The following TOP1MT variants were observed in gnomAD, a reference collection of about 807,000 sequenced individuals.
TOP1MT encodes the protein DNA topoisomerase I, mitochondrial.
In TOP1MT, 80 loss-of-function variants were observed where a neutral mutation model predicts 73.9. The ratio of observed to expected loss-of-function variants is 1.08; its 90% CI spans 0.90 to 1.30. The LOEUF (loss-of-function observed/expected upper bound fraction) is 1.30, where lower values mean the gene tolerates loss of function less well. Among genes scored for constraint, TOP1MT ranks in the 50% most tolerant of loss-of-function variants. The pLI is 0.00. For missense variants in TOP1MT, 815 were observed against 808.0 expected (o/e 1.01, Z -0.10); for synonymous variants, 338 against 326.4 (o/e 1.04, Z -0.38).
At chr8:143,318,776 C>G (rs1166202909) in intron 8 of TOP1MT, among the ~76,000 whole-genome samples, 1 of 152,192 alleles carries the variant, frequency 6.6e-6, no homozygotes. Flanking sequence ...AGCCTGGCAC[C>G]ATGGCTGATG....
chr8:143,332,346 A>C, intron 1 of TOP1MT: 1 of 540,750 alleles, frequency 1.8e-6, no homozygotes, highest in Non-Finnish European at 3.1e-6. Flanking sequence ...AGCACCCAGG[A>C]TGGCCAGTGC....
intron 1 of TOP1MT, chr8:143,343,744 A>G (rs993463007): frequency 6.4e-6 from 1 of 156,864 alleles, no homozygotes; most frequent in African/African-American, 2.4e-5. Flanking sequence ...AGAGAGGAAC[A>G]GACACTTCGC....
rs1212284988 is a variant in TOP1MT at position 143,316,067 on chromosome 8, T to G, written c.1390A>C (p.Ile464Leu). 1 of 1,613,856 alleles carries G rather than the reference T, an allele frequency of 6.2e-7. No homozygotes were observed. The highest frequency in any genetic ancestry group is 2.2e-5 in the East Asian group (1 of 44,844). ...SYNRANRVVA[I>L]LCNHQRATPS... ...GTTGCTCGCTGATGGTTGCAGAGAA[T>G]GGCCACGACTCGGTTGGCTCGGTTG... Residue 464 changes from isoleucine to leucine, a missense_variant, in exon 11 of 14, where the codon ATT becomes CTT. Ile to Leu is a conservative substitution (Grantham distance 5). This residue lies in a region of TOP1MT where 751 missense variants were observed against 725.4 expected (regional missense o/e 1.04). Transcript: ENST00000329245.
upstream of TOP1MT, among the ~76,000 whole-genome samples, chr8:143,347,236 G>A (rs1214711400): frequency 6.6e-6 from 1 of 152,086 alleles, no homozygotes; most frequent in Non-Finnish European, 1.5e-5. Context: ...CTCACTGCAA[G>A]TTCTGCCTCC....
intron 2 of TOP1MT, among the ~76,000 whole-genome samples, chr8:143,342,776 CTATTATTATTATTAT>C (rs748359888): frequency 1.3e-5 from 1 of 78,732 alleles, no homozygotes; most frequent in East Asian, 4.0e-4. Context: ...GAGTCTTGCT[CTATTATTATTATTAT>C]TATTATTATT....
At chr8:143,329,741 C>T (rs945248905) in intron 2 of TOP1MT, among the ~76,000 whole-genome samples, 6 of 152,156 alleles carry the variant, frequency 3.9e-5, no homozygotes, top group Non-Finnish European at 5.9e-5. Context: ...TACCACTTAA[C>T]GTTGCTACTA....
rs1479866061 is a variant in TOP1MT, at chr8:143,310,175, C to T, written c.1596G>A (p.Glu532=). Residue 532 remains glutamate (E), a synonymous_variant, in exon 13 of 14, where the codon GAG becomes GAA. Transcript: ENST00000329245. Reference sequence around the variant, plus strand: ...CCTGCACACTCAGCTGCGCCAGCTGCTCCTGCAGCTTCTCCAGGAGCCGCC... The same window carrying T: ...CCTGCACACTCAGCTGCGCCAGCTGTTCCTGCAGCTTCTCCAGGAGCCGCC... ...KKRRLLEKLQ[E]QLAQLSVQAT... is the part of the protein sequence containing the mutation. The T allele has an allele frequency of 5.0e-6, 8 of 1,603,608 alleles. No homozygotes were observed. The South Asian group carries it at 7.8e-5, about 16-fold the overall frequency.
chr8:143,345,011 C>T (rs28722081), upstream of TOP1MT: 1,617 of 152,272 alleles, frequency 0.011, 20 homozygotes, highest in Non-Finnish European at 0.018. Context: ...AGGAAGGAAA[C>T]GTTAAAGTTT....
chr8:143,332,941 C>T (rs1024740419), intron 1 of TOP1MT, among the ~76,000 whole-genome samples: 1 of 152,190 alleles, frequency 6.6e-6, no homozygotes, highest in Admixed American at 6.5e-5. Context: ...AGCTTTTCCA[C>T]GTCAGGTGAG....
At chr8:143,345,432 C>A (rs1817204345), upstream of TOP1MT, among the ~76,000 whole-genome samples, 1 of 152,228 alleles carries the variant, frequency 6.6e-6, no homozygotes, top group Non-Finnish European at 1.5e-5. Context: ...CCGGAGGACA[C>A]AGTTGCAAAC....
intron 7 of TOP1MT, among the ~76,000 whole-genome samples, chr8:143,321,671 CCACA>C (rs1431604026): frequency 6.2e-5 from 6 of 96,772 alleles, no homozygotes; most frequent in South Asian, 3.5e-4. Context: ...CACACGCACG[CCACA>C]CACGCACGCC....
intron 2 of TOP1MT, among the ~76,000 whole-genome samples, chr8:143,340,988 T>C (rs1817069330): frequency 6.6e-6 from 1 of 152,174 alleles, no homozygotes; most frequent in Non-Finnish European, 1.5e-5. Context: ...GTGCACCTGC[T>C]CCTGGCCACG....
intron 7 of TOP1MT, among the ~76,000 whole-genome samples, chr8:143,322,916 C>A (rs1431438795): frequency 1.0e-4 from 1 of 9,566 alleles, no homozygotes; most frequent in Non-Finnish European, 2.3e-4. Context: ...ACACGCACGC[C>A]ACACACGCAC....
chr8:143,359,189 C>T, upstream of TOP1MT: 1 of 980,438 alleles, frequency 1.0e-6, no homozygotes, highest in Non-Finnish European at 1.2e-6. Flanking sequence ...CTGAAAATAG[C>T]CTGTTCTTGG....
intron 7 of TOP1MT, among the ~76,000 whole-genome samples, chr8:143,323,764 A>ATG (rs1816621205): frequency 6.8e-6 from 1 of 147,820 alleles, no homozygotes; most frequent in Non-Finnish European, 1.5e-5. Context: ...CCCCACACAG[A>ATG]CATGCCACAC....
chr8:143,346,795 G>A (rs1260048258), upstream of TOP1MT, among the ~76,000 whole-genome samples: 4 of 151,966 alleles, frequency 2.6e-5, no homozygotes, highest in Non-Finnish European at 5.9e-5. Flanking sequence ...TTACCCCAGG[G>A]GCAGAAGATG....
intron 2 of TOP1MT, among the ~76,000 whole-genome samples, chr8:143,330,807 A>T (rs56713113): frequency 0.064 from 9,754 of 152,242 alleles, 410 homozygotes; most frequent in Non-Finnish European, 0.087. Context: ...CTCAGCGCTC[A>T]TGTCAACCAC....
rs1222593683 is a variant in TOP1MT, at chr8:143,323,606, CCA to C, written c.960+391_960+392del. ...CAGGCACGCCACACACACACGCACG[CCA>C]CACACACAGGCACGCCACACACGCA... On this transcript the variant is annotated intron_variant, in intron 7 of 13. Transcript: ENST00000329245. Among the ~76,000 whole-genome samples the C allele has an allele frequency of 7.2e-4, 45 of 62,162 alleles. 4 individuals are homozygous for C. The highest frequency in any genetic ancestry group is 2.2e-3 in the African/African-American group (37 of 16,914). The allele number at this position is 62,162 out of a possible 152,430, so 40.8% of individuals were successfully genotyped here. A position where few individuals can be genotyped will look rare whatever the true frequency, so the allele number is the denominator to read the frequency against.
intron 3 of TOP1MT, among the ~76,000 whole-genome samples, chr8:143,328,038 A>G (rs1816753135): frequency 6.6e-6 from 1 of 152,236 alleles, no homozygotes; most frequent in African/African-American, 2.4e-5. Context: ...AACCTGTGAC[A>G]AAACATGAAA....
Sources: gnomAD v4.1 joint callset for allele counts (sites outside exome capture counted in the v4.1 genomes callset) on GRCh38, gnomAD v4.1.1 for gene constraint, gnomAD v4.1.1 regional missense constraint, MANE v1.5 for transcripts, NCBI Gene and HGNC (gene_info 2026-07-23, HGNC 2026-07-21) for gene names.